Variants in CMYA5 observed in about 807,000 individuals in gnomAD.
CMYA5 encodes cardiomyopathy associated 5.
In CMYA5, 246 loss-of-function variants were observed where a neutral mutation model predicts 318.9. The observed-to-expected ratio is 0.77, with a 90% CI of 0.70 to 0.86. The LOEUF is 0.86. CMYA5 is among the 40% of genes least tolerant of loss of function. CMYA5 has a pLI of 0.00. For synonymous variants in CMYA5, 1,641 were observed against 1,729.5 expected, an observed-to-expected ratio of 0.95 and a Z score of 1.27; for missense variants, 4,589 against 4,678.2, an observed-to-expected ratio of 0.98 and a Z score of 0.56.
Position 79,743,871 on chromosome 5 carries a change from G to A in CMYA5, c.10683G>A (p.Leu3561=), listed in dbSNP as rs141642606. 2,120 of 1,549,404 alleles carry A rather than the reference G, an allele frequency of 1.4e-3. 37 individuals carry two copies. The African/African-American group carries it at 0.024, about 17-fold the overall frequency. ...TAGAAAATTTACAAGAAAAGTCCTT[G>A]AGGATTGAAGCCTTTGTTAGTGAGA... ...EFLENLQEKS[L]RIEAFVSEIE... The change falls in exon 3 of 13, where the codon TTG becomes TTA. Residue 3561 remains leucine, a synonymous_variant. Coordinates refer to ENST00000446378, the MANE Select transcript of CMYA5 (RefSeq NM_153610.5).
intron 9 of CMYA5, among the ~76,000 whole-genome samples, chr5:79,777,516 AACCCCAGC>A (rs1828959534): frequency 6.6e-6 from 1 of 152,216 alleles, no homozygotes. Flanking sequence ...TCATGTCTGT[AACCCCAGC>A]ACTTTGGGAG....
At chr5:79,745,154 C>G in intron 3 of CMYA5, 68 bp from the exon 4 acceptor site, 2 of 881,286 alleles carry the variant, frequency 2.3e-6, no homozygotes, top group Non-Finnish European at 3.3e-6. Flanking sequence ...CTGGTGTTTC[C>G]AAAAAAAAAA....
At chr5:79,752,655 T>C in intron 5 of CMYA5, 21 bp from the exon 6 acceptor site, 3 of 1,527,582 alleles carry the variant, frequency 2.0e-6, no homozygotes, top group East Asian at 4.5e-5. Flanking sequence ...TTAACTTATG[T>C]AGAGCTCTAT....
rs1308045095 is a variant in CMYA5, at chr5:79,732,253, A to AAACCAAAC, written c.3489_3496dup (p.Pro1166GlnfsTer30). 3 of 1,613,836 alleles carry AAACCAAAC rather than the reference A, an allele frequency of 1.9e-6. No individual in the cohort carries two copies. The highest frequency in any genetic ancestry group is 2.7e-5 in the African/African-American group (2 of 74,926). ...GCACAATCATCTATAGTAAAGGAAG[A>AAACCAAAC]AACCAAACCTGCATCTCCACATTCA... On this transcript the variant is annotated frameshift_variant, in exon 2 of 13. Coordinates refer to ENST00000446378, the MANE Select transcript of CMYA5 (RefSeq NM_153610.5). LOFTEE classifies it high-confidence loss of function.
At chr5:79,794,696 A>G (rs533368499) in intron 12 of CMYA5, among the ~76,000 whole-genome samples, 1 of 152,294 alleles carries the variant, frequency 6.6e-6, no homozygotes, top group African/African-American at 2.4e-5. Context: ...GGCATTATTC[A>G]AATGTAATCC....
At position 79,793,608 on chromosome 5, in the gene CMYA5, G is replaced by A; in HGVS notation, c.11961G>A (p.Gln3987=). ...TSWYMHCSEP[Q]RYTFFYSGIV... ...GGTACATGCACTGCTCTGAGCCACA[G>A]AGGTAAGCGAGCCCTTCCCCTCCCC... Residue 3987 remains glutamine, a splice_region_variant and synonymous_variant, in exon 12 of 13, where the codon CAG becomes CAA. Coordinates refer to ENST00000446378, the MANE Select transcript of CMYA5 (RefSeq NM_153610.5). 1 of 1,590,454 alleles carries A rather than the reference G, an allele frequency of 6.3e-7. No individual in the cohort carries two copies. Among genetic ancestry groups the A allele is most frequent in the Non-Finnish European group, 8.6e-7 (1 of 1,161,022 alleles).
chr5:79,723,038 A>G (rs1453816626), intron 1 of CMYA5, among the ~76,000 whole-genome samples: 1 of 152,216 alleles, frequency 6.6e-6, no homozygotes, highest in Non-Finnish European at 1.5e-5. Context: ...AAATAATGTA[A>G]TATTTTACAC....
intron 9 of CMYA5, among the ~76,000 whole-genome samples, chr5:79,776,339 C>A (rs1049828892): frequency 6.6e-6 from 1 of 152,136 alleles, no homozygotes; most frequent in African/African-American, 2.4e-5. Flanking sequence ...GAAGGAAAAT[C>A]TTCTCAATCC....
chr5:79,788,346 A>G (rs1829117157), intron 9 of CMYA5, among the ~76,000 whole-genome samples: 1 of 152,044 alleles, frequency 6.6e-6, no homozygotes, highest in South Asian at 2.1e-4. Context: ...CAGCAAGTCC[A>G]TTTGTATTAA....
chr5:79,732,218 T>C lies in CMYA5; in HGVS notation c.3453T>C (p.Ala1151=). 1 of 1,613,946 alleles carries C rather than the reference T, an allele frequency of 6.2e-7. No individual in the cohort carries two copies. Among genetic ancestry groups the C allele is most frequent in the Non-Finnish European group, 8.5e-7 (1 of 1,179,858 alleles). Residue 1151 remains alanine (A), a synonymous_variant, in exon 2 of 13, where the codon GCT becomes GCC. Coordinates refer to ENST00000446378, the MANE Select transcript of CMYA5 (RefSeq NM_153610.5). ...GTTCATCAGTAGCTGCAATACCTGC[T>C]GCTTTACCTGCACAATCATCTATAG... ...EASSSVAAIP[A]ALPAQSSIVK...
rs755443277 is a variant in CMYA5, at chr5:79,736,625, T to C, written c.7860T>C (p.His2620=). 2.5e-6 allele frequency: 4 copies of C among 1,613,766 alleles called. No homozygotes were observed. Among genetic ancestry groups the C allele is most frequent in the East Asian group, 2.2e-5 (1 of 44,878 alleles). The change falls in exon 2 of 13, where the codon CAT becomes CAC. Residue 2620 remains histidine, a synonymous_variant. Coordinates refer to ENST00000446378, the MANE Select transcript of CMYA5 (RefSeq NM_153610.5). ...REAKAVGTQP[H]PLEESKVLVE... ...CAAAGGCAGTAGGAACCCAACCACATCCTTTAGAAGAAAGTAAAGTTTTGG... is the reference window on the plus strand; with the variant it reads ...CAAAGGCAGTAGGAACCCAACCACACCCTTTAGAAGAAAGTAAAGTTTTGG...
intron 9 of CMYA5, among the ~76,000 whole-genome samples, chr5:79,785,489 AT>A (rs1235677297): frequency 6.6e-6 from 1 of 152,006 alleles, no homozygotes; most frequent in African/African-American, 2.4e-5. Flanking sequence ...ATCTTAAAAA[AT>A]GTTCTTTATA....
chr5:79,735,219 A>G lies in CMYA5; in HGVS notation c.6454A>G (p.Thr2152Ala), dbSNP rs780095811. 2 of 1,613,858 alleles carry G rather than the reference A, an allele frequency of 1.2e-6. No homozygotes were observed. The highest frequency in any genetic ancestry group is 1.7e-5 in the Admixed American group (1 of 59,998). Residue 2152 changes from threonine (T) to alanine (A), a missense_variant, in exon 2 of 13, where the codon ACA becomes GCA. Thr to Ala is a moderately conservative substitution (Grantham distance 58, BLOSUM62 0). Coordinates refer to ENST00000446378, the MANE Select transcript of CMYA5 (RefSeq NM_153610.5). The stretch of plus-strand genomic sequence containing the variant: ...TCAATCCCCAGAGTCACCTGAGGTG[A>G]CACAAAATCCACCTACACAACCAAA... ...EPQSPESPEV[T>A]QNPPTQPKVA...
chr5:79,776,926 T>C (rs1168456359), intron 9 of CMYA5, among the ~76,000 whole-genome samples: 1 of 152,284 alleles, frequency 6.6e-6, no homozygotes, highest in East Asian at 1.9e-4. Flanking sequence ...AAAGCATACT[T>C]AGATCCAGGG....
At chr5:79,721,041 G>C (rs1003022270) in intron 1 of CMYA5, among the ~76,000 whole-genome samples, 6 of 152,202 alleles carry the variant, frequency 3.9e-5, no homozygotes, top group Admixed American at 3.9e-4. Flanking sequence ...AGGATTCATG[G>C]TCTTTGTGTT....
At chr5:79,748,255 G>A (rs1470745205) in intron 5 of CMYA5, among the ~76,000 whole-genome samples, 1 of 152,118 alleles carries the variant, frequency 6.6e-6, no homozygotes, top group Non-Finnish European at 1.5e-5. Context: ...CTAATGCACA[G>A]CCAGGGTTGA....
At position 79,761,945 on chromosome 5, in the gene CMYA5, A is replaced by G. The variant is rs762029721; in HGVS notation, c.11395A>G (p.Ile3799Val). 6.2e-7 allele frequency: 1 copy of G among 1,613,280 alleles called. No homozygotes were observed. The highest frequency in any genetic ancestry group is 2.2e-5 in the East Asian group (1 of 44,886). ...TGCSLPSERA[I>V]FRTAPSTPVI... ...ATGTAGCCTGCCCAGTGAAAGGGCC[A>G]TCTTTAGGACAGGTAAGGAGATGGA... The change falls in exon 8 of 13, where the codon ATC becomes GTC. Residue 3799 changes from isoleucine (I) to valine (V), a missense_variant. Physicochemically the swap from Ile to Val is conservative, Grantham distance 29 (BLOSUM62 3). Around this residue, in one of 3 missense-constraint regions of CMYA5, gnomAD observed 2,431 missense variants for 2,495.1 expected, o/e 0.97. Transcript: ENST00000446378.
chr5:79,690,077 C>T (rs1205060499), intron 1 of CMYA5, 21 bp downstream of exon 1: 4 of 1,413,984 alleles, frequency 2.8e-6, no homozygotes, highest in Admixed American at 3.2e-5. Context: ...CCTCTCTCCT[C>T]GGCCCAGGGC....
chr5:79,758,866 T>A lies in CMYA5; in HGVS notation c.11224T>A (p.Cys3742Ser). 6.2e-7 allele frequency: 1 copy of A among 1,600,726 alleles called. No homozygotes were observed. The highest frequency in any genetic ancestry group is 1.1e-5 in the South Asian group (1 of 88,086). ...TGTCATTGATTCATTTCAGGTTTACTGCATGGAGGAGCCACAAGATGATCA... is the reference window on the plus strand; with the variant it reads ...TGTCATTGATTCATTTCAGGTTTACAGCATGGAGGAGCCACAAGATGATCA... ...EDVIDSFQVY[C>S]MEEPQDDQEV... The change falls in exon 7 of 13, where the codon TGC (cysteine) becomes AGC (serine). Residue 3742 changes from cysteine to serine, a missense_variant. Coordinates refer to ENST00000446378, the MANE Select transcript of CMYA5 (RefSeq NM_153610.5).
Sources: gnomAD v4.1 joint callset for allele counts (sites outside exome capture counted in the v4.1 genomes callset) on GRCh38, gnomAD v4.1.1 for gene constraint, gnomAD v4.1.1 regional missense constraint, MANE v1.5 for transcripts, NCBI Gene and HGNC (gene_info 2026-07-23, HGNC 2026-07-21) for gene names.